Variants in WNT10A observed in about 807,000 individuals in gnomAD.
The protein encoded by WNT10A is protein Wnt-10a.
In WNT10A, 37 loss-of-function variants were observed where a neutral mutation model predicts 36.1. That is an observed-to-expected ratio of 1.02 (90% CI 0.79 to 1.35). WNT10A has a LOEUF of 1.35. Among genes scored for constraint, WNT10A ranks in the 40% most tolerant of loss-of-function variants. The pLI is 0.00. For synonymous variants in WNT10A, 255 were observed against 254.1 expected (o/e 1.00, Z -0.03); for missense variants, 613 against 601.4 (o/e 1.02, Z -0.20).
rs1422929168 is a variant in WNT10A at position 218,890,321 on chromosome 2, C to A, written c.714C>A (p.Ile238=). 19 of 1,602,014 alleles carry A rather than the reference C, an allele frequency of 1.2e-5. No homozygotes were observed. The highest frequency in any genetic ancestry group is 1.6e-5 in the Non-Finnish European group (19 of 1,179,944). ...ACTCCCGGGAGCCTCACAGAGACAT[C>A]CACGCGAGAATGAGGCTTCACAACA... ...FLDSREPHRD[I]HARMRLHNNR... Residue 238 remains isoleucine (I), a synonymous_variant, in exon 3 of 4, where the codon ATC becomes ATA. Coordinates refer to ENST00000258411, the MANE Select transcript of WNT10A (RefSeq NM_025216.3).
rs1025419072 is a variant in WNT10A at position 218,892,701 on chromosome 2, C to G, written c.757-73C>G. 5.2e-6 allele frequency: 8 copies of G among 1,541,648 alleles called. No individual in the cohort carries two copies. In the African/African-American group the frequency reaches 1.1e-4, roughly 21 times the overall value. On this transcript the variant is annotated intron_variant, in intron 3 of 3. Coordinates refer to ENST00000258411, the MANE Select transcript of WNT10A (RefSeq NM_025216.3). ...GTATAATGGGAGTGGGTTTCAGAAGCAGGCCAGGCTAAGCGCTGGGAGGGG... is the reference window on the plus strand; with the variant it reads ...GTATAATGGGAGTGGGTTTCAGAAGGAGGCCAGGCTAAGCGCTGGGAGGGG...
At chr2:218,882,472 C>A in intron 2 of WNT10A, 49 bp downstream of exon 2, 1 of 1,610,390 alleles carries the variant, frequency 6.2e-7, no homozygotes, top group Non-Finnish European at 8.5e-7. Flanking sequence ...AGCATCTCCA[C>A]CTCAGAATCT....
At chr2:218,876,619 T>C (rs952405706), upstream of WNT10A, among the ~76,000 whole-genome samples, 13 of 152,108 alleles carry the variant, frequency 8.5e-5, no homozygotes, top group Non-Finnish European at 1.8e-4. Flanking sequence ...TCTGTTAACT[T>C]ACCAAAGGAG....
Position 218,880,903 on chromosome 2 carries a change from C to T in WNT10A, c.-93C>T, listed in dbSNP as rs544934206. 56 of 1,420,564 alleles carry T rather than the reference C, an allele frequency of 3.9e-5. No homozygotes were observed. Among genetic ancestry groups the T allele is most frequent in the Non-Finnish European group, 5.2e-5 (56 of 1,083,082 alleles). The allele number at this position is 1,420,564 out of a possible 1,614,324, so 88.0% of individuals were successfully genotyped here. On this transcript the variant is annotated 5_prime_UTR_variant, in exon 1 of 4. Transcript: ENST00000258411. The surrounding 1 kb of genome is among the most constrained non-coding windows in gnomAD (Gnocchi z 7.7). ...TCGGAGCTGTGTGTCGCAGCCGCCC[C>T]GACCCCCCGCCGATCATGCGCCGGC...
intron 3 of WNT10A, among the ~76,000 whole-genome samples, chr2:218,891,081 C>G (rs1434034431): frequency 6.6e-6 from 1 of 152,158 alleles, no homozygotes; most frequent in Non-Finnish European, 1.5e-5. Flanking sequence ...CCTATTTAAT[C>G]CTTACAACTA....
chr2:218,877,158 T>C (rs1193902564), upstream of WNT10A, among the ~76,000 whole-genome samples: 1 of 152,240 alleles, frequency 6.6e-6, no homozygotes, highest in East Asian at 1.9e-4. This position sits in a 1 kb window ranked among gnomAD's most constrained non-coding sequence, Gnocchi z 4.1. Context: ...GGAAGTTGTA[T>C]GGTACAATGA....
chr2:218,884,504 C>T (rs1351820354), intron 2 of WNT10A, among the ~76,000 whole-genome samples: 3 of 152,128 alleles, frequency 2.0e-5, no homozygotes, highest in African/African-American at 4.8e-5. Context: ...TCCCTATCAA[C>T]GCCCCTCATT....
chr2:218,879,402 C>T (rs923019991), upstream of WNT10A, among the ~76,000 whole-genome samples: 1 of 152,206 alleles, frequency 6.6e-6, no homozygotes, highest in Non-Finnish European at 1.5e-5. Context: ...AGGAGGATGC[C>T]GAGGGCACAG....
upstream of WNT10A, among the ~76,000 whole-genome samples, chr2:218,877,278 C>T (rs1023454319): frequency 6.6e-6 from 1 of 152,200 alleles, no homozygotes; most frequent in African/African-American, 2.4e-5. The surrounding 1 kb of genome is among the most constrained non-coding windows in gnomAD (Gnocchi z 4.1). Context: ...TGTGAGAATG[C>T]ACTTCCATCT....
chr2:218,893,356 C>A lies in WNT10A; in HGVS notation c.*85C>A. On this transcript the variant is annotated 3_prime_UTR_variant, in exon 4 of 4. Coordinates refer to ENST00000258411, the MANE Select transcript of WNT10A (RefSeq NM_025216.3). This position sits in a 1 kb window ranked among gnomAD's most constrained non-coding sequence, Gnocchi z 6.3. ...GCTTACGGTCTTGGCAAGGCAGCAT[C>A]GCCTTGGCTCTTGGGAAGAGGAGAT... 4.8e-6 allele frequency: 7 copies of A among 1,463,552 alleles called. No individual in the cohort carries two copies. Among genetic ancestry groups the A allele is most frequent in the Non-Finnish European group, 6.3e-6 (7 of 1,105,504 alleles). The allele number at this position is 1,463,552 out of a possible 1,614,324, so 90.7% of individuals were successfully genotyped here. A position where few individuals can be genotyped will look rare whatever the true frequency, so the allele number is the denominator to read the frequency against.
At chr2:218,884,551 C>T (rs186705330) in intron 2 of WNT10A, among the ~76,000 whole-genome samples, 19 of 152,272 alleles carry the variant, frequency 1.2e-4, no homozygotes, top group Middle Eastern at 6.8e-3. Context: ...TCTACTTCTA[C>T]CTTCTACCTT....
In WNT10A at chr2:218,882,199, C is replaced by G. The variant is rs372538189; in HGVS notation, c.152C>G (p.Pro51Arg). 1.4e-5 allele frequency: 22 copies of G among 1,614,040 alleles called. No individual in the cohort carries two copies. Among genetic ancestry groups the G allele is most frequent in the African/African-American group, 1.1e-4 (8 of 74,912 alleles). The stretch of plus-strand genomic sequence containing the variant: ...GACATTCTGGACCTCCGCCTCCCCC[C>G]GGAGCCCGTGCTCAATGCCAACACA... ...PNDILDLRLP[P>R]EPVLNANTVC... Residue 51 changes from proline (P) to arginine (R), a missense_variant, in exon 2 of 4, where the codon CCG becomes CGG. Physicochemically the swap from Pro to Arg is moderately radical, Grantham distance 103. Transcript: ENST00000258411.
In WNT10A at chr2:218,892,527, A is replaced by AT. The variant is rs144478276; in HGVS notation, c.757-247_757-246insT. Among the ~76,000 whole-genome samples, 282 of 152,052 alleles carry AT rather than the reference A, an allele frequency of 1.9e-3. 2 individuals are homozygous for AT. Among genetic ancestry groups the AT allele is most frequent in the Middle Eastern group, 6.8e-3 (2 of 294 alleles). On this transcript the variant is annotated intron_variant, in intron 3 of 3. Coordinates refer to ENST00000258411, the MANE Select transcript of WNT10A (RefSeq NM_025216.3). Reference sequence around the variant, plus strand: ...CTGCTGGAAAGGCGGGCAGGAGAGGAGGGGAGCCGGCAGGTGGGAATTCCC... The same window carrying AT: ...CTGCTGGAAAGGCGGGCAGGAGAGGATGGGGAGCCGGCAGGTGGGAATTCCC...
intron 2 of WNT10A, among the ~76,000 whole-genome samples, chr2:218,883,612 C>G (rs966602342): frequency 6.6e-6 from 1 of 150,590 alleles, no homozygotes; most frequent in Admixed American, 6.6e-5. Flanking sequence ...CCCGGCCGAG[C>G]CCAGCCCGAC....
Position 218,892,303 on chromosome 2 carries a change from CCACACACACACACACACA to C in WNT10A, c.757-431_757-414del, listed in dbSNP as rs60385784. Among the ~76,000 whole-genome samples, 831 of 100,948 alleles carry C rather than the reference CCACACACACACACACACA, an allele frequency of 8.2e-3. 7 individuals are homozygous for C. Among genetic ancestry groups the C allele is most frequent in the Middle Eastern group, 0.017 (4 of 230 alleles). 66.2% of individuals were successfully genotyped at this position (100,948 alleles called of 152,430 possible). On this transcript the variant is annotated intron_variant, in intron 3 of 3. Coordinates refer to ENST00000258411, the MANE Select transcript of WNT10A (RefSeq NM_025216.3). Reference sequence around the variant, plus strand: ...ACCGAACACCCCTCCACCCACCCCACCACACACACACACACACACACACACACACACACACACACACAC... The same window carrying C: ...ACCGAACACCCCTCCACCCACCCCACCACACACACACACACACACACACAC...
intron 2 of WNT10A, among the ~76,000 whole-genome samples, chr2:218,885,173 C>T (rs533327143): frequency 3.3e-5 from 5 of 152,202 alleles, no homozygotes; most frequent in African/African-American, 1.2e-4. Context: ...GGAGCCTAGG[C>T]CATGGGGGAC....
upstream of WNT10A, chr2:218,880,535 A>T (rs1944498063): frequency 6.2e-6 from 1 of 160,752 alleles, no homozygotes. This position sits in a 1 kb window ranked among gnomAD's most constrained non-coding sequence, Gnocchi z 7.7. Flanking sequence ...GAGCCGGGAC[A>T]GTCACTTACT....
rs768281079 is a variant in WNT10A, at chr2:218,893,123, C to T, written c.1106C>T (p.Ser369Leu). 2.5e-6 allele frequency: 4 copies of T among 1,594,160 alleles called. No homozygotes were observed. In the South Asian group the frequency reaches 3.3e-5, roughly 13 times the overall value. ...GRLCNKSSAG[S>L]DGCGSMCCGR... ...CTGTGCAACAAGAGCAGCGCCGGCT[C>T]GGATGGCTGCGGCAGCATGTGCTGC... is the stretch of plus-strand genomic sequence containing the variant. Residue 369 changes from serine to leucine, a missense_variant, in exon 4 of 4, where the codon TCG becomes TTG. Ser to Leu is a moderately radical substitution (Grantham distance 145). Coordinates refer to ENST00000258411, the MANE Select transcript of WNT10A (RefSeq NM_025216.3). The surrounding 1 kb of genome is among the most constrained non-coding windows in gnomAD (Gnocchi z 6.3).
chr2:218,874,922 G>T, the WNT10A span, among the ~76,000 whole-genome samples: 2 of 152,030 alleles, frequency 1.3e-5, no homozygotes, highest in African/African-American at 4.8e-5. Context: ...GTCATGATTG[G>T]TCAGAACTCA....
Sources: gnomAD v4.1 joint callset for allele counts (sites outside exome capture counted in the v4.1 genomes callset) on GRCh38, gnomAD v4.1.1 for gene constraint, Gnocchi (gnomAD v3.1) non-coding constraint, MANE v1.5 for transcripts, NCBI Gene and HGNC (gene_info 2026-07-23, HGNC 2026-07-21) for gene names.